NUP98: variants seen among roughly 807,000 people sequenced by gnomAD.
NUP98 encodes the protein nucleoporin 98 and 96 precursor.
In NUP98, 26 loss-of-function variants were observed where a neutral mutation model predicts 191.9. That is an observed-to-expected ratio of 0.14 (90% CI 0.10 to 0.19). The LOEUF (loss-of-function observed/expected upper bound fraction) is 0.19. Among genes scored for constraint, NUP98 ranks in the 10% least tolerant of loss-of-function variants. The pLI is 1.00. For synonymous variants in NUP98, 808 were observed against 778.4 expected, an observed-to-expected ratio of 1.04 and a Z score of -0.63; for missense variants, 1,941 against 2,178.8, an observed-to-expected ratio of 0.89 and a Z score of 2.17.
chr11:3,787,067 C>A (rs1411940776), intron 1 of NUP98, among the ~76,000 whole-genome samples: 2 of 152,132 alleles, frequency 1.3e-5, no homozygotes, highest in Non-Finnish European at 2.9e-5. Context: ...ACTAGAAGAG[C>A]CAGGGATTAT....
intron 12 of NUP98, among the ~76,000 whole-genome samples, chr11:3,741,342 G>GC (rs75543106): frequency 1 from 152,153 of 152,154 alleles, 76,076 homozygotes; most frequent in Middle Eastern, 1. Flanking sequence ...CAAAAATCTG[G>GC]CAGGAGCGGT....
chr11:3,779,595 C>T (rs1423058168), intron 2 of NUP98, among the ~76,000 whole-genome samples: 1 of 150,448 alleles, frequency 6.6e-6, no homozygotes, highest in Non-Finnish European at 1.5e-5. Flanking sequence ...GAGCCAAGAT[C>T]GTGCCACTGC....
chr11:3,785,318 T>C (rs77156809), intron 1 of NUP98, among the ~76,000 whole-genome samples: 10,919 of 152,142 alleles, frequency 0.072, 417 homozygotes, highest in Middle Eastern at 0.1. Flanking sequence ...CCTCTATCTA[T>C]CTCTCTTCTG....
At chr11:3,775,756 GTTT>G in intron 5 of NUP98, 123 bp downstream of exon 5, 5 of 784,926 alleles carry the variant, frequency 6.4e-6, no homozygotes, top group South Asian at 3.6e-5. Context: ...TATAGATTTT[GTTT>G]TTAACACATC....
chr11:3,754,742 C>T (rs1056210296), intron 10 of NUP98, among the ~76,000 whole-genome samples: 7 of 151,998 alleles, frequency 4.6e-5, no homozygotes, highest in African/African-American at 1.7e-4. Flanking sequence ...ACAAGTTCAA[C>T]GCCAGTCTGG....
At chr11:3,768,786 A>G in intron 7 of NUP98, 42 bp from the exon 8 acceptor site, 3 of 1,444,514 alleles carry the variant, frequency 2.1e-6, no homozygotes, top group African/African-American at 1.4e-5. Flanking sequence ...GAAATAATAA[A>G]AAAAATGTAA....
intron 10 of NUP98, among the ~76,000 whole-genome samples, chr11:3,759,659 T>C (rs1456663004): frequency 6.6e-6 from 1 of 151,838 alleles, no homozygotes; most frequent in East Asian, 1.9e-4. Context: ...TGGTTTACAT[T>C]TTTCCCAGTA....
intron 10 of NUP98, among the ~76,000 whole-genome samples, chr11:3,755,179 G>C (rs2080914795): frequency 6.6e-6 from 1 of 152,008 alleles, no homozygotes; most frequent in Non-Finnish European, 1.5e-5. Flanking sequence ...TAAAGCACTG[G>C]GCATGATGGC....
At chr11:3,758,072 C>T (rs140021423) in intron 10 of NUP98, among the ~76,000 whole-genome samples, 3 of 152,116 alleles carry the variant, frequency 2.0e-5, no homozygotes, top group African/African-American at 7.2e-5. Context: ...AATCCCAGCA[C>T]TTTGGGAGGC....
chr11:3,797,219 G>T lies in NUP98; in HGVS notation c.-29+181C>A, dbSNP rs369330921. On this transcript the variant is annotated intron_variant, in intron 1 of 32. Coordinates refer to ENST00000324932, the MANE Select transcript of NUP98 (RefSeq NM_016320.5). ...ATTCTCTCCCAGGGCCTCCAAAGCC[G>T]GGCCTCCCGGGCTCCGGGCCCCCGG... Among the ~76,000 whole-genome samples, 59 of 152,338 alleles carry T rather than the reference G, an allele frequency of 3.9e-4. 1 individual carries two copies. The highest frequency in any genetic ancestry group is 1.4e-3 in the African/African-American group (58 of 41,590).
chr11:3,735,409 T>G lies in NUP98; in HGVS notation c.1409-85A>C, dbSNP rs1344849055. ...TGCATTTGTAACACAGAGCTCGGTA[T>G]TCTTTTTGAAGAAGTGGTCTTCAAA... On this transcript the variant is annotated intron_variant, in intron 12 of 32. Coordinates refer to ENST00000324932, the MANE Select transcript of NUP98 (RefSeq NM_016320.5). The G allele has an allele frequency of 1.9e-5, 14 of 740,448 alleles. No individual in the cohort carries two copies. In the Admixed American group the frequency reaches 2.5e-4, roughly 13 times the overall value. 45.9% of individuals were successfully genotyped at this position (740,448 alleles called of 1,614,324 possible).
chr11:3,735,750 TGTGTGTGTGTG>T (rs1358000083), intron 12 of NUP98, among the ~76,000 whole-genome samples: 2 of 22,058 alleles, frequency 9.1e-5, no homozygotes, highest in Non-Finnish European at 1.7e-4. Context: ...GGGCAAGTAG[TGTGTGTGTGTG>T]TGTGTGTGTG....
chr11:3,729,499 GA>G (rs2079751315), intron 14 of NUP98, among the ~76,000 whole-genome samples: 1 of 141,962 alleles, frequency 7.0e-6, no homozygotes, highest in South Asian at 2.3e-4. Context: ...TTGAGCCCAG[GA>G]GTTCGAGACC....
chr11:3,682,307 C>T (rs2078005973), intron 30 of NUP98, among the ~76,000 whole-genome samples: 2 of 152,216 alleles, frequency 1.3e-5, no homozygotes, highest in South Asian at 4.1e-4. Flanking sequence ...TTTCCTTTAA[C>T]ACAACTTGGC....
chr11:3,731,001 T>C (rs573266554), intron 14 of NUP98, among the ~76,000 whole-genome samples: 2 of 152,276 alleles, frequency 1.3e-5, no homozygotes, highest in African/African-American at 4.8e-5. Context: ...GCACAGCGGC[T>C]CACACCTGTA....
intron 16 of NUP98, among the ~76,000 whole-genome samples, chr11:3,721,541 A>C (rs150996576): frequency 6.6e-6 from 1 of 152,150 alleles, no homozygotes; most frequent in East Asian, 1.9e-4. Context: ...TCTACCAAAA[A>C]TACAAAAATT....
intron 29 of NUP98, among the ~76,000 whole-genome samples, chr11:3,684,766 CAAAAAAAAAAAA>C (rs71041370): frequency 2.7e-4 from 27 of 101,802 alleles, no homozygotes; most frequent in East Asian, 1.8e-3. Context: ...TTTCACAGGC[CAAAAAAAAAAAA>C]AAAAAAAAAA....
At chr11:3,711,878 T>A (rs1422098386) in intron 20 of NUP98, 1 of 1,035,746 alleles carries the variant, frequency 9.7e-7, no homozygotes, top group Non-Finnish European at 1.2e-6. Context: ...AACCACACAT[T>A]TCAGCAGCCA....
chr11:3,691,938 C>A (rs1478293227), intron 27 of NUP98, among the ~76,000 whole-genome samples: 5 of 152,000 alleles, frequency 3.3e-5, no homozygotes, highest in Non-Finnish European at 1.5e-5. Flanking sequence ...GCCTATAATC[C>A]CAGCACTTTG....
Sources: allele counts gnomAD v4.1 joint callset (sites outside exome capture counted in the v4.1 genomes callset), GRCh38; gene constraint gnomAD v4.1.1; transcripts MANE v1.5; gene names NCBI Gene and HGNC (gene_info 2026-07-23, HGNC 2026-07-21).